The following CDK5RAP2 variants were observed in gnomAD, a reference collection of about 807,000 sequenced individuals.
The protein encoded by CDK5RAP2 is CDK5 regulatory subunit-associated protein 2.
Under a neutral mutation model 232.9 loss-of-function variants are expected in CDK5RAP2, and 147 were observed. The ratio of observed to expected loss-of-function variants is 0.63; its 90% confidence interval spans 0.55 to 0.72. CDK5RAP2 has a LOEUF of 0.72. Among genes scored for constraint, CDK5RAP2 ranks in the 30% least tolerant of loss-of-function variants. The probability of loss-of-function intolerance (pLI) is 0.00; values close to 1 mark genes in which losing one functional copy is unlikely to be tolerated. For synonymous variants in CDK5RAP2, 833 were observed against 833.7 expected, an observed-to-expected ratio of 1.00 and a Z score of 0.01; for missense variants, 2,195 against 2,231.5, an observed-to-expected ratio of 0.98 and a Z score of 0.33.
intron 34 of CDK5RAP2, among the ~76,000 whole-genome samples, chr9:120,402,605 A>G (rs1013115067): frequency 6.6e-6 from 1 of 152,160 alleles, no homozygotes; most frequent in African/African-American, 2.4e-5. Flanking sequence ...TTGCAGGAAC[A>G]CAAGGCACAA....
chr9:120,439,340 T>G, intron 24 of CDK5RAP2, 59 bp downstream of exon 24: 1 of 1,371,464 alleles, frequency 7.3e-7, no homozygotes, highest in Non-Finnish European at 1.0e-6. Context: ...GGCTCCCACC[T>G]AGTGGCAATA....
chr9:120,549,897 A>C (rs2041988265), intron 4 of CDK5RAP2, among the ~76,000 whole-genome samples: 1 of 152,244 alleles, frequency 6.6e-6, no homozygotes, highest in Non-Finnish European at 1.5e-5. Context: ...CCAATTCTTG[A>C]AAAGGCTCAG....
chr9:120,511,735 C>CTTTTT (rs747030569), intron 12 of CDK5RAP2, among the ~76,000 whole-genome samples: 33 of 110,690 alleles, frequency 3.0e-4, no homozygotes, highest in Non-Finnish European at 3.9e-4. Flanking sequence ...TCACAACATG[C>CTTTTT]TTTTTTTTTT....
At chr9:120,426,856 G>C (rs1047614003) in intron 25 of CDK5RAP2, among the ~76,000 whole-genome samples, 1 of 152,206 alleles carries the variant, frequency 6.6e-6, no homozygotes, top group Non-Finnish European at 1.5e-5. Context: ...TATTGCTACA[G>C]AGTCTGTTCA....
chr9:120,486,409 TA>T (rs34029371), intron 14 of CDK5RAP2, among the ~76,000 whole-genome samples: 10,724 of 132,844 alleles, frequency 0.081, 569 homozygotes, highest in East Asian at 0.28. Flanking sequence ...GTTTTTCTTT[TA>T]AAAAAAAAAA....
At chr9:120,518,994 G>A (rs1331799493) in intron 11 of CDK5RAP2, among the ~76,000 whole-genome samples, 1 of 152,004 alleles carries the variant, frequency 6.6e-6, no homozygotes, top group Non-Finnish European at 1.5e-5. Context: ...GGCCAACACG[G>A]TGAAACCCCG....
chr9:120,479,313 T>A (rs148141789), intron 14 of CDK5RAP2, among the ~76,000 whole-genome samples: 1 of 152,084 alleles, frequency 6.6e-6, no homozygotes, highest in African/African-American at 2.4e-5. Context: ...TCGCCAACCA[T>A]CACAGTAATA....
chr9:120,528,597 T>C, intron 9 of CDK5RAP2, 147 bp downstream of exon 9: 1 of 682,608 alleles, frequency 1.5e-6, no homozygotes, highest in Non-Finnish European at 2.7e-6. Context: ...AAACCCTTTC[T>C]AGAGTACCTT....
At chr9:120,516,732 G>C (rs1432250211) in intron 12 of CDK5RAP2, among the ~76,000 whole-genome samples, 1 of 152,128 alleles carries the variant, frequency 6.6e-6, no homozygotes, top group African/African-American at 2.4e-5. Flanking sequence ...AGGAGGGTGA[G>C]GCAGTAGGAT....
At chr9:120,539,970 A>G (rs1359860314) in intron 5 of CDK5RAP2, among the ~76,000 whole-genome samples, 1 of 152,244 alleles carries the variant, frequency 6.6e-6, no homozygotes, top group Non-Finnish European at 1.5e-5. Context: ...TGAAGAGAAA[A>G]GCATTTTAAA....
intron 14 of CDK5RAP2, among the ~76,000 whole-genome samples, chr9:120,478,802 T>G (rs1357946470): frequency 1.3e-5 from 2 of 151,946 alleles, no homozygotes; most frequent in Non-Finnish European, 2.9e-5. Context: ...AAACAAAAAA[T>G]ACTGTATTTT....
At position 120,403,723 on chromosome 9, in the gene CDK5RAP2, C is replaced by A. The variant is rs982160553; in HGVS notation, c.5041+313G>T. On this transcript the variant is annotated intron_variant, in intron 33 of 37. Transcript: ENST00000349780. This position sits in a 1 kb window ranked among gnomAD's most constrained non-coding sequence, Gnocchi z 4.2. ...GATGGTGACCCCTGTGTGGCTACAC[C>A]AGGTTAAGGGATAAGGCTGGACGGA... 2 of 431,694 alleles carry A rather than the reference C, an allele frequency of 4.6e-6. No individual in the cohort carries two copies. Among genetic ancestry groups the A allele is most frequent in the Non-Finnish European group, 8.6e-6 (2 of 231,820 alleles). 26.7% of individuals were successfully genotyped at this position (431,694 alleles called of 1,614,324 possible). A position where few individuals can be genotyped will look rare whatever the true frequency, so the allele number is the denominator to read the frequency against.
intron 17 of CDK5RAP2, among the ~76,000 whole-genome samples, chr9:120,469,017 G>C (rs1017702747): frequency 2.6e-5 from 4 of 152,190 alleles, no homozygotes; most frequent in African/African-American, 9.7e-5. Flanking sequence ...TGCCAACCAA[G>C]TGAACTACCT....
In CDK5RAP2 at chr9:120,499,325, A is replaced by G. The variant is rs530671741; in HGVS notation, c.1312-7848T>C. On this transcript the variant is annotated intron_variant, in intron 12 of 37. Transcript: ENST00000349780. ...GGCTAATGCTGGGAGACAAACACAT[A>G]GGGGTTCAATGTACTATTCTCTCTC... 2.0e-5 allele frequency among the ~76,000 whole-genome samples: 3 copies of G among 152,254 alleles called. No individual in the cohort carries two copies. In the East Asian group the frequency reaches 5.8e-4, roughly 29 times the overall value.
At chr9:120,534,381 T>C (rs750435598) in intron 7 of CDK5RAP2, among the ~76,000 whole-genome samples, 1 of 152,124 alleles carries the variant, frequency 6.6e-6, no homozygotes, top group African/African-American at 2.4e-5. Flanking sequence ...CTTTTCCTAA[T>C]CCCTCTAAAC....
chr9:120,462,554 C>A (rs533097019), intron 18 of CDK5RAP2, among the ~76,000 whole-genome samples: 1 of 152,146 alleles, frequency 6.6e-6, no homozygotes, highest in East Asian at 1.9e-4. Flanking sequence ...TACACTCATG[C>A]AATGGAATAC....
At chr9:120,531,494 C>G (rs1331244087) in intron 7 of CDK5RAP2, among the ~76,000 whole-genome samples, 1 of 152,184 alleles carries the variant, frequency 6.6e-6, no homozygotes, top group Non-Finnish European at 1.5e-5. Context: ...GAGCCTGTGC[C>G]TCCTCAGCTA....
intron 26 of CDK5RAP2, among the ~76,000 whole-genome samples, chr9:120,420,951 G>A (rs1455260041): frequency 6.6e-6 from 1 of 152,214 alleles, no homozygotes; most frequent in Admixed American, 6.5e-5. Flanking sequence ...AAATGAAAAG[G>A]AGTGGCACAT....
intron 35 of CDK5RAP2, among the ~76,000 whole-genome samples, chr9:120,398,212 T>C (rs2032691201): frequency 6.6e-6 from 1 of 152,218 alleles, no homozygotes; most frequent in Non-Finnish European, 1.5e-5. Flanking sequence ...TGATAATACA[T>C]CACAAGTTCA....
Sources: gnomAD v4.1 joint callset for allele counts (sites outside exome capture counted in the v4.1 genomes callset) on GRCh38, gnomAD v4.1.1 for gene constraint, Gnocchi (gnomAD v3.1) non-coding constraint, MANE v1.5 for transcripts, NCBI Gene and HGNC (gene_info 2026-07-23, HGNC 2026-07-21) for gene names.